Variants in MGA observed in about 807,000 individuals in gnomAD.
The protein encoded by MGA is MAX dimerization protein MGA.
MGA carries 40 observed loss-of-function variants against 261.1 expected under a neutral mutation model. The observed-to-expected ratio is 0.15, with a 90% confidence interval of 0.12 to 0.20. MGA has a LOEUF of 0.20. Ranked by LOEUF, MGA falls within the 10% of genes least tolerant of loss-of-function variation. The pLI, the probability that MGA is intolerant of heterozygous loss-of-function variation, is 1.00. For synonymous variants in MGA, 1,302 were observed against 1,290.6 expected (o/e 1.01, Z -0.19); for missense variants, 3,397 against 3,630.5 (o/e 0.94, Z 1.65).
chr15:41,718,070 A>G (rs2060733897), intron 9 of MGA, among the ~76,000 whole-genome samples: 1 of 151,762 alleles, frequency 6.6e-6, no homozygotes, highest in Non-Finnish European at 1.5e-5. Flanking sequence ...TGTTGTAATT[A>G]GTAAATATGT....
At chr15:41,700,357 G>A (rs2059783189) in intron 5 of MGA, among the ~76,000 whole-genome samples, 1 of 152,000 alleles carries the variant, frequency 6.6e-6, no homozygotes, top group African/African-American at 2.4e-5. Context: ...TGTCATCTAG[G>A]TTTTAAGCCC....
Position 41,750,470 on chromosome 15 carries a change from A to C in MGA, c.6863A>C (p.Lys2288Thr). 1.2e-6 allele frequency: 2 copies of C among 1,614,006 alleles called. No individual in the cohort carries two copies. The highest frequency in any genetic ancestry group is 1.7e-6 in the Non-Finnish European group (2 of 1,179,870). ...CAGATACAACCAAAGCAAGAGAAGA[A>C]GGGTGGGAGAAGCAGTGCTGACTTC... is the stretch of plus-strand genomic sequence containing the variant. Residue 2288 changes from lysine (K) to threonine (T), a missense_variant, in exon 17 of 24, where the codon AAG becomes ACG. Physicochemically the swap from Lys to Thr is moderately conservative, Grantham distance 78 (BLOSUM62 -1). Around this residue, in one of 9 missense-constraint regions of MGA, gnomAD observed 1,410 missense variants for 1,386.4 expected, o/e 1.02. Transcript: ENST00000219905.
At chr15:41,622,035 T>TA (rs2056307805) in intron 1 of MGA, among the ~76,000 whole-genome samples, 1 of 60,434 alleles carries the variant, frequency 1.7e-5, no homozygotes. Flanking sequence ...TGGCGCGGGG[T>TA]AGGGGGAGGG....
At chr15:41,736,841 T>C in intron 13 of MGA, 143 bp downstream of exon 13, 1 of 970,302 alleles carries the variant, frequency 1.0e-6, no homozygotes, top group Non-Finnish European at 1.5e-6. Context: ...TCTCTTTTTG[T>C]AATAGGCCTA....
At chr15:41,757,958 G>A (rs943748939) in intron 19 of MGA, 119 bp downstream of exon 19, 8 of 755,056 alleles carry the variant, frequency 1.1e-5, no homozygotes, top group Non-Finnish European at 1.8e-5. Context: ...ATTTTTGCCA[G>A]TGAGTTAATA....
intron 1 of MGA, among the ~76,000 whole-genome samples, chr15:41,629,744 A>G (rs530869225): frequency 6.6e-6 from 1 of 152,222 alleles, no homozygotes; most frequent in South Asian, 2.1e-4. Context: ...AACAAAACTG[A>G]AAACAAAAAC....
At position 41,748,665 on chromosome 15, in the gene MGA, T is replaced by C. The variant is rs766612581; in HGVS notation, c.5241T>C (p.Thr1747=). 1 of 1,613,458 alleles carries C rather than the reference T, an allele frequency of 6.2e-7. No individual in the cohort carries two copies. Residue 1747 remains threonine (T), a synonymous_variant, in exon 16 of 24, where the codon ACT becomes ACC. Transcript: ENST00000219905. Reference sequence around the variant, plus strand: ...ATGCTGCTCAAATTCCAGTGGCTACTCCACAGGTCTCTCCTAACACAGTGA... The same window carrying C: ...ATGCTGCTCAAATTCCAGTGGCTACCCCACAGGTCTCTCCTAACACAGTGA...
chr15:41,758,433 T>C (rs1010225843), intron 19 of MGA, among the ~76,000 whole-genome samples: 2 of 152,132 alleles, frequency 1.3e-5, no homozygotes, highest in African/African-American at 2.4e-5. Context: ...GGGTGGCATT[T>C]GGTTCCTTTA....
chr15:41,742,981 C>T lies in MGA; in HGVS notation c.5021C>T (p.Ala1674Val). The change falls in exon 15 of 24, where the codon GCT (alanine) becomes GTT (valine). Residue 1674 changes from alanine (A) to valine (V), a missense_variant. Physicochemically the swap from Ala to Val is moderately conservative, Grantham distance 64. This residue lies in a region of MGA where 1,410 missense variants were observed against 1,386.4 expected (regional missense o/e 1.02). Transcript: ENST00000219905. The stretch of plus-strand genomic sequence containing the variant: ...ATAACTACCCCTGTGGCTTCAGTTG[C>T]TTTTCCTAAGTCTTTGGTAGCATCT... 1 of 1,613,994 alleles carries T rather than the reference C, an allele frequency of 6.2e-7. No homozygotes were observed. Among genetic ancestry groups the T allele is most frequent in the Non-Finnish European group, 8.5e-7 (1 of 1,179,882 alleles).
At chr15:41,632,370 G>A (rs1320907556) in intron 1 of MGA, among the ~76,000 whole-genome samples, 1 of 152,144 alleles carries the variant, frequency 6.6e-6, no homozygotes, top group Non-Finnish European at 1.5e-5. Flanking sequence ...TGTAGCCTGG[G>A]CATGCACAAT....
intron 1 of MGA, among the ~76,000 whole-genome samples, chr15:41,640,023 A>G (rs1402281107): frequency 6.6e-6 from 1 of 152,190 alleles, no homozygotes; most frequent in Non-Finnish European, 1.5e-5. Context: ...GAATGACAGT[A>G]TCCTTTGGTG....
At chr15:41,627,287 C>T (rs2056478828) in intron 1 of MGA, among the ~76,000 whole-genome samples, 1 of 152,164 alleles carries the variant, frequency 6.6e-6, no homozygotes. Flanking sequence ...TCTAATGTCA[C>T]TTTCTTGTTT....
intron 8 of MGA, among the ~76,000 whole-genome samples, chr15:41,711,815 C>G (rs1162422379): frequency 1.3e-5 from 2 of 152,098 alleles, no homozygotes; most frequent in Non-Finnish European, 2.9e-5. Flanking sequence ...CCTGCCTCAG[C>G]CTTTCGAGTA....
intron 11 of MGA, among the ~76,000 whole-genome samples, chr15:41,733,266 A>G (rs2061604320): frequency 1.3e-5 from 2 of 151,694 alleles, no homozygotes; most frequent in Admixed American, 6.6e-5. Context: ...CTGTTCCTCT[A>G]CTTTCTTAAC....
chr15:41,732,446 C>G lies in MGA; in HGVS notation c.3844-2076C>G, dbSNP rs931498456. Among the ~76,000 whole-genome samples, 103 of 152,210 alleles carry G rather than the reference C, an allele frequency of 6.8e-4. 1 individual carries two copies. Among genetic ancestry groups the G allele is most frequent in the Non-Finnish European group, 2.9e-5 (2 of 68,044 alleles). ...TACCCACGTGAGCCACCGTGCCCGG[C>G]CTGTTATCCTTATTATATCTTGTGA... On this transcript the variant is annotated intron_variant, in intron 11 of 23. Coordinates refer to ENST00000219905, the MANE Select transcript of MGA (RefSeq NM_001164273.2).
At chr15:41,685,009 ATACAG>A (rs1305198454) in intron 2 of MGA, among the ~76,000 whole-genome samples, 1 of 152,242 alleles carries the variant, frequency 6.6e-6, no homozygotes, top group African/African-American at 2.4e-5. Context: ...TATGTAACTT[ATACAG>A]TAAAGTTTTA....
intron 9 of MGA, among the ~76,000 whole-genome samples, chr15:41,726,710 C>G (rs2061268323): frequency 6.8e-6 from 1 of 147,174 alleles, no homozygotes; most frequent in Admixed American, 6.8e-5. Context: ...CCCTAGGTGA[C>G]AGAACAAGAC....
chr15:41,765,930 A>C, intron 23 of MGA, 74 bp from the exon 24 acceptor site: 2 of 1,231,814 alleles, frequency 1.6e-6, no homozygotes, highest in Non-Finnish European at 2.3e-6. Context: ...TGGTTATATG[A>C]TATGACAGAG....
At chr15:41,666,467 A>G (rs763720340) in intron 1 of MGA, among the ~76,000 whole-genome samples, 1 of 152,200 alleles carries the variant, frequency 6.6e-6, no homozygotes, top group Non-Finnish European at 1.5e-5. Context: ...TTGAAAAACT[A>G]CCTATCAGGT....
Sources: allele counts gnomAD v4.1 joint callset (sites outside exome capture counted in the v4.1 genomes callset), GRCh38; gene constraint gnomAD v4.1.1; regional missense constraint gnomAD v4.1.1; transcripts MANE v1.5; gene names NCBI Gene and HGNC (gene_info 2026-07-23, HGNC 2026-07-21).